IPO8: variants seen among roughly 807,000 people sequenced by gnomAD.
The protein encoded by IPO8 is importin 8.
Under a neutral mutation model 141.2 loss-of-function variants are expected in IPO8, and 65 were observed. The ratio of observed to expected loss-of-function variants is 0.46; its 90% confidence interval spans 0.38 to 0.57. The LOEUF (loss-of-function observed/expected upper bound fraction) is 0.57, where lower values mean the gene tolerates loss of function less well. Among genes scored for constraint, IPO8 ranks in the 20% least tolerant of loss-of-function variants. IPO8 has a pLI of 0.00. For missense variants in IPO8, 980 were observed against 1,246.8 expected, an observed-to-expected ratio of 0.79 and a Z score of 3.22; for synonymous variants, 411 against 420.3, an observed-to-expected ratio of 0.98 and a Z score of 0.27.
At chr12:30,652,787 C>G (rs1048553922) in intron 18 of IPO8, among the ~76,000 whole-genome samples, 180 bp downstream of exon 18, 4 of 152,074 alleles carry the variant, frequency 2.6e-5, no homozygotes, top group African/African-American at 9.7e-5. Context: ...CAGCCTACCT[C>G]CTCTGCCTAT....
At position 30,677,985 on chromosome 12, in the gene IPO8, A is replaced by T. The variant is rs769572997; in HGVS notation, c.640-1398T>A. 1.2e-3 allele frequency among the ~76,000 whole-genome samples: 186 copies of T among 152,040 alleles called. 4 individuals carry two copies. Among genetic ancestry groups the T allele is most frequent in the Middle Eastern group, 3.4e-3 (1 of 294 alleles). ...CCCCGTCTCTACTAAGAATACAAAA[A>T]ATTAGCCAGGCATGGTGGCAGGCGC... On this transcript the variant is annotated intron_variant, in intron 5 of 24. Coordinates refer to ENST00000256079, the MANE Select transcript of IPO8 (RefSeq NM_006390.4).
At chr12:30,676,903 A>C (rs1278552008) in intron 5 of IPO8, 1 of 1,521,074 alleles carries the variant, frequency 6.6e-7, no homozygotes, top group Admixed American at 2.0e-5. Flanking sequence ...TACCCCTTTG[A>C]GGGTCAAACT....
At chr12:30,672,714 G>A in intron 8 of IPO8, among the ~76,000 whole-genome samples, 1 of 152,176 alleles carries the variant, frequency 6.6e-6, no homozygotes, top group Non-Finnish European at 1.5e-5. Flanking sequence ...GCAGAAGACA[G>A]ATGACCAGCT....
rs775937664 is a variant in IPO8 at position 30,639,724 on chromosome 12, GA to G, written c.2279del (p.Leu760ProfsTer10). 14 of 1,613,604 alleles carry G rather than the reference GA, an allele frequency of 8.7e-6. No homozygotes were observed. Among genetic ancestry groups the G allele is most frequent in the Non-Finnish European group, 1.2e-5 (14 of 1,179,762 alleles). On this transcript the variant is annotated frameshift_variant, in exon 21 of 25. Coordinates refer to ENST00000256079, the MANE Select transcript of IPO8 (RefSeq NM_006390.4). LOFTEE classifies it high-confidence loss of function. ...KGRGIDQCIP[L>X]FVQLVLERLT... The stretch of plus-strand genomic sequence containing the variant: ...ATCTCTCCAAAACAAGTTGAACGAA[GA>G]GTGGAATGCACTAGAAGACAAGCAA...
chr12:30,650,770 A>C (rs2052715687), intron 19 of IPO8, among the ~76,000 whole-genome samples: 1 of 152,054 alleles, frequency 6.6e-6, no homozygotes, highest in Non-Finnish European at 1.5e-5. Context: ...GTAATTTTTT[A>C]AATAGGCTCT....
intron 16 of IPO8, among the ~76,000 whole-genome samples, chr12:30,657,549 T>C (rs2052817790): frequency 6.6e-6 from 1 of 152,160 alleles, no homozygotes; most frequent in African/African-American, 2.4e-5. Flanking sequence ...GGATTTACCC[T>C]TCACACATAT....
intron 19 of IPO8, among the ~76,000 whole-genome samples, chr12:30,649,794 T>C (rs2136137482): frequency 6.6e-6 from 1 of 152,216 alleles, no homozygotes; most frequent in South Asian, 2.1e-4. Context: ...TTCACTATTA[T>C]AAACAATTCC....
At chr12:30,665,017 G>C (rs1197229836) in intron 13 of IPO8, among the ~76,000 whole-genome samples, 6 of 152,214 alleles carry the variant, frequency 3.9e-5, no homozygotes, top group Non-Finnish European at 7.3e-5. Flanking sequence ...TGGGATTACA[G>C]GCATGAGCCA....
chr12:30,673,115 C>T (rs2053073970), intron 8 of IPO8, among the ~76,000 whole-genome samples: 1 of 151,942 alleles, frequency 6.6e-6, no homozygotes, highest in South Asian at 2.1e-4. Flanking sequence ...AAAAATTAGC[C>T]AGGTGTGGTG....
rs775674328 is a variant in IPO8, at chr12:30,639,523, A to G, written c.2481T>C (p.Cys827=). The change falls in exon 21 of 25, where the codon TGT becomes TGC. Residue 827 remains cysteine, a synonymous_variant. Transcript: ENST00000256079. ...FINQWMNDTD[C]FLGHHDRKMC... The stretch of plus-strand genomic sequence containing the variant: ...ATCCAAAAGACACATACCCAAGAAA[A>G]CAATCTGTATCATTCATCCATTGAT... The G allele has an allele frequency of 2.5e-6, 4 of 1,609,824 alleles. No homozygotes were observed. The East Asian group carries it at 6.7e-5, about 27-fold the overall frequency.
At chr12:30,634,641 C>A (rs143013303) in intron 22 of IPO8, among the ~76,000 whole-genome samples, 2 of 151,928 alleles carry the variant, frequency 1.3e-5, no homozygotes, top group Non-Finnish European at 2.9e-5. Context: ...TTCAAAATTA[C>A]CTTTGTTTAA....
At chr12:30,652,410 G>A in intron 18 of IPO8, 121 bp from the exon 19 acceptor site, 1 of 660,242 alleles carries the variant, frequency 1.5e-6, no homozygotes, top group East Asian at 2.8e-5. Context: ...ACCACAAAAG[G>A]CTAGAAATGA....
intron 1 of IPO8, 56 bp from the exon 2 acceptor site, chr12:30,690,633 AAG>A: frequency 7.7e-6 from 7 of 912,776 alleles, no homozygotes; most frequent in Non-Finnish European, 1.2e-5. Flanking sequence ...AGTAGCTTAT[AAG>A]TTAGCACCGG....
At position 30,661,199 on chromosome 12, in the gene IPO8, G is replaced by C. The variant is rs766491904; in HGVS notation, c.1823C>G (p.Ala608Gly). The C allele has an allele frequency of 1.3e-5, 20 of 1,592,950 alleles. No homozygotes were observed. Among genetic ancestry groups the C allele is most frequent in the Non-Finnish European group, 1.7e-5 (20 of 1,168,946 alleles). The stretch of plus-strand genomic sequence containing the variant: ...ATCAATGGTATGTAAAATTCCCATA[G>C]CCATTACTGTTTTGTCTTCAACTTC... ...YEEVEDKTVM[A>G]MGILHTIDTI... Residue 608 changes from alanine to glycine, a missense_variant, in exon 16 of 25, where the codon GCT becomes GGT. By Grantham distance (60) the Ala-to-Gly change is moderately conservative (BLOSUM62 0). Transcript: ENST00000256079.
chr12:30,649,473 T>C (rs183607395), intron 19 of IPO8, among the ~76,000 whole-genome samples: 55 of 152,286 alleles, frequency 3.6e-4, no homozygotes, highest in African/African-American at 1.2e-3. Context: ...CTATATGAGC[T>C]AATTTTCCAC....
chr12:30,634,078 C>T lies in IPO8; in HGVS notation c.2899+5G>A. On this transcript the variant is annotated splice_donor_5th_base_variant and intron_variant, in intron 23 of 24. Coordinates refer to ENST00000256079, the MANE Select transcript of IPO8 (RefSeq NM_006390.4). ...ATCAGAAGATGTGGGGAAGTAAAGA[C>T]ATACTTATCAGAGCTTGTGTAAAAA... 2 of 1,607,604 alleles carry T rather than the reference C, an allele frequency of 1.2e-6. No homozygotes were observed. Among genetic ancestry groups the T allele is most frequent in the Non-Finnish European group, 1.7e-6 (2 of 1,174,652 alleles).
In IPO8 at chr12:30,695,741, C is replaced by A; in HGVS notation, c.-94G>T. On this transcript the variant is annotated 5_prime_UTR_variant, in exon 1 of 25. Transcript: ENST00000256079. This position sits in a 1 kb window ranked among gnomAD's most constrained non-coding sequence, Gnocchi z 4.2. ...CCTCTCAGCCTCCTCTTCCGCGACC[C>A]CTGGATTACCTCACACCCCACCCCC... is the stretch of plus-strand genomic sequence containing the variant. The A allele has an allele frequency of 8.6e-7, 1 of 1,156,830 alleles. No homozygotes were observed. The highest frequency in any genetic ancestry group is 2.1e-5 in the Admixed American group (1 of 46,978). 71.7% of individuals were successfully genotyped at this position (1,156,830 alleles called of 1,614,324 possible).
intron 6 of IPO8, 135 bp downstream of exon 6, chr12:30,676,363 T>C: frequency 2.4e-6 from 1 of 410,472 alleles, no homozygotes. Flanking sequence ...AAAAATGGTA[T>C]TATGAATTAT....
chr12:30,677,108 T>C, intron 5 of IPO8: 1 of 1,494,412 alleles, frequency 6.7e-7, no homozygotes, highest in Non-Finnish European at 8.9e-7. Context: ...GTACAAAACA[T>C]GCTACATGCT....
Sources: gnomAD v4.1 joint callset for allele counts (sites outside exome capture counted in the v4.1 genomes callset) on GRCh38, gnomAD v4.1.1 for gene constraint, Gnocchi (gnomAD v3.1) non-coding constraint, MANE v1.5 for transcripts, NCBI Gene and HGNC (gene_info 2026-07-23, HGNC 2026-07-21) for gene names.